Variants in LINGO2 observed in about 807,000 individuals in gnomAD.
LINGO2 encodes the protein leucine-rich repeat and immunoglobulin-like domain-containing nogo receptor-interacting protein 2.
A neutral mutation model predicts 30.6 loss-of-function variants in LINGO2; 14 were observed. The observed-to-expected ratio is 0.46, with a 90% CI of 0.30 to 0.72. The LOEUF is 0.72. LINGO2 is among the 30% of genes least tolerant of loss of function. The probability of loss-of-function intolerance (pLI) is 0.07; values close to 1 mark genes in which losing one functional copy is unlikely to be tolerated. For synonymous variants in LINGO2, 317 were observed against 288.5 expected, an observed-to-expected ratio of 1.10 and a Z score of -1.00; for missense variants, 729 against 751.7, an observed-to-expected ratio of 0.97 and a Z score of 0.35.
intron 1 of LINGO2, among the ~76,000 whole-genome samples, chr9:28,523,967 C>T (rs1820921593): frequency 6.7e-6 from 1 of 149,872 alleles, no homozygotes; most frequent in Non-Finnish European, 1.5e-5. Flanking sequence ...ATTCAGAACA[C>T]CAAAAACAAT....
chr9:28,442,278 T>A (rs2135022988), intron 2 of LINGO2, among the ~76,000 whole-genome samples: 1 of 152,178 alleles, frequency 6.6e-6, no homozygotes, highest in South Asian at 2.1e-4. Flanking sequence ...AGTAAATGAA[T>A]GACCAACCGA....
At chr9:28,068,943 T>A (rs759207004) in intron 4 of LINGO2, among the ~76,000 whole-genome samples, 4 of 152,170 alleles carry the variant, frequency 2.6e-5, no homozygotes, top group Non-Finnish European at 5.9e-5. Context: ...CACAGAATCA[T>A]GCTGCCCTTT....
At chr9:28,744,611 TGTGTGTGTGTG>T in the LINGO2 span, among the ~76,000 whole-genome samples, 5 of 134,006 alleles carry the variant, frequency 3.7e-5, no homozygotes, top group Non-Finnish European at 6.2e-5. Flanking sequence ...ATTCCCCTCG[TGTGTGTGTGTG>T]TGTGTGTGTG....
chr9:28,262,734 T>C (rs756509209), intron 4 of LINGO2, among the ~76,000 whole-genome samples: 3 of 152,080 alleles, frequency 2.0e-5, no homozygotes. Flanking sequence ...TTTTGATGTA[T>C]AGAGAATTGA....
In LINGO2 at chr9:27,962,197, C is replaced by T. The variant is rs1051723186; in HGVS notation, c.-35-11491G>A. Among the ~76,000 whole-genome samples the T allele has an allele frequency of 6.6e-5, 10 of 152,000 alleles. No homozygotes were observed. In the South Asian group the frequency reaches 1.2e-3, roughly 19 times the overall value. Reference sequence around the variant, plus strand: ...TCGTTTTTGAATTGACGGTAAAGTGCGAGTCGTTTTTTATAGATTCCACTG... The same window carrying T: ...TCGTTTTTGAATTGACGGTAAAGTGTGAGTCGTTTTTTATAGATTCCACTG... On this transcript the variant is annotated intron_variant, in intron 5 of 5. Transcript: ENST00000379992.
chr9:28,718,845 TGA>T, the LINGO2 span, among the ~76,000 whole-genome samples: 1 of 152,080 alleles, frequency 6.6e-6, no homozygotes, highest in African/African-American at 2.4e-5. Context: ...CTGGTCATCC[TGA>T]AAAAATTAAA....
chr9:28,951,820 C>G, the LINGO2 span, among the ~76,000 whole-genome samples: 1 of 152,050 alleles, frequency 6.6e-6, no homozygotes, highest in African/African-American at 2.4e-5. Flanking sequence ...TTCCAGCTCT[C>G]CAACAAATAT....
At chr9:28,316,723 A>G (rs1396443909) in intron 3 of LINGO2, among the ~76,000 whole-genome samples, 1 of 152,170 alleles carries the variant, frequency 6.6e-6, no homozygotes, top group South Asian at 2.1e-4. Context: ...GGAGACATTA[A>G]CAAATACACA....
the LINGO2 span, among the ~76,000 whole-genome samples, chr9:28,711,604 T>G: frequency 6.6e-6 from 1 of 152,128 alleles, no homozygotes; most frequent in Non-Finnish European, 1.5e-5. Context: ...TGCATTAACC[T>G]TGGGACAACA....
the LINGO2 span, among the ~76,000 whole-genome samples, chr9:28,776,918 T>C: frequency 2.6e-5 from 4 of 152,016 alleles, no homozygotes; most frequent in Non-Finnish European, 5.9e-5. Flanking sequence ...CTTGTCAAAT[T>C]GTAGGAGTGG....
At position 28,252,373 on chromosome 9, in the gene LINGO2, G is replaced by A. The variant is rs138279764; in HGVS notation, c.-87+42835C>T. Among the ~76,000 whole-genome samples the A allele has an allele frequency of 6.4e-4, 97 of 151,982 alleles. 1 individual carries two copies. In the East Asian group the frequency reaches 0.013, roughly 21 times the overall value. On this transcript the variant is annotated intron_variant, in intron 4 of 5. Transcript: ENST00000379992. ...CCTGAGTAGCTGGGACTACAGGCACGCATCACTATGCCTAGCTAATTTGTG... is the reference window on the plus strand; with the variant it reads ...CCTGAGTAGCTGGGACTACAGGCACACATCACTATGCCTAGCTAATTTGTG...
chr9:28,652,388 C>G (rs778548812), intron 1 of LINGO2, among the ~76,000 whole-genome samples: 5 of 152,012 alleles, frequency 3.3e-5, no homozygotes, highest in African/African-American at 4.8e-5. Context: ...CTGCTTAATC[C>G]CACTTTAAGT....
intron 2 of LINGO2, among the ~76,000 whole-genome samples, chr9:28,464,295 T>C (rs1825209063): frequency 6.6e-6 from 1 of 152,208 alleles, no homozygotes. Flanking sequence ...AGAAAGTAGT[T>C]ATAATCAGAA....
At chr9:28,631,522 GT>G (rs1826940123) in intron 1 of LINGO2, among the ~76,000 whole-genome samples, 1 of 152,048 alleles carries the variant, frequency 6.6e-6, no homozygotes, top group African/African-American at 2.4e-5. Flanking sequence ...CCCACTTCTT[GT>G]TTTTGTCAGG....
At chr9:28,039,883 C>T (rs138599317) in intron 4 of LINGO2, among the ~76,000 whole-genome samples, 2 of 152,238 alleles carry the variant, frequency 1.3e-5, no homozygotes, top group Admixed American at 6.5e-5. Context: ...CCCTCTCTGA[C>T]CCACCCCCTT....
intron 1 of LINGO2, among the ~76,000 whole-genome samples, chr9:28,571,563 A>G (rs2135594411): frequency 6.6e-6 from 1 of 152,224 alleles, no homozygotes; most frequent in South Asian, 2.1e-4. Flanking sequence ...TAAGAAACTG[A>G]GACTCAGAGA....
the LINGO2 span, among the ~76,000 whole-genome samples, chr9:28,689,458 A>C: frequency 2.6e-5 from 4 of 152,238 alleles, no homozygotes; most frequent in Middle Eastern, 3.4e-3. Context: ...GAAAAAAAAA[A>C]CTCAACATCA....
the LINGO2 span, among the ~76,000 whole-genome samples, chr9:28,795,489 T>C: frequency 1.3e-5 from 2 of 152,098 alleles, no homozygotes; most frequent in Non-Finnish European, 1.5e-5. Context: ...TTAGCAATTT[T>C]CAAAAATGTC....
chr9:28,283,025 G>A (rs1823383855), intron 4 of LINGO2, among the ~76,000 whole-genome samples: 1 of 152,052 alleles, frequency 6.6e-6, no homozygotes, highest in Non-Finnish European at 1.5e-5. Context: ...TAACATACTT[G>A]CAAAATGTAT....
Sources: allele counts gnomAD v4.1 joint callset (sites outside exome capture counted in the v4.1 genomes callset), GRCh38; gene constraint gnomAD v4.1.1; transcripts MANE v1.5; gene names NCBI Gene and HGNC (gene_info 2026-07-23, HGNC 2026-07-21).